CDH12: variants seen among roughly 807,000 people sequenced by gnomAD.
CDH12 encodes cadherin-12.
Under a neutral mutation model 74.1 loss-of-function variants are expected in CDH12, and 41 were observed. The observed-to-expected ratio is 0.55, with a 90% CI of 0.43 to 0.72. CDH12 has a LOEUF of 0.72. CDH12 is among the 30% of genes least tolerant of loss of function. CDH12 has a pLI of 0.00. For missense variants in CDH12, 945 were observed against 977.2 expected (o/e 0.97, Z 0.44); for synonymous variants, 399 against 355.0 (o/e 1.12, Z -1.39).
intron 6 of CDH12, among the ~76,000 whole-genome samples, chr5:21,938,717 AATATACATAT>A (rs2150087739): frequency 9.4e-6 from 1 of 106,676 alleles, no homozygotes; most frequent in East Asian, 2.2e-4. Flanking sequence ...TTATATATAT[AATATACATAT>A]ATATATATAT....
At chr5:22,239,143 T>C (rs1258166092) in intron 3 of CDH12, among the ~76,000 whole-genome samples, 3 of 152,190 alleles carry the variant, frequency 2.0e-5, no homozygotes, top group Non-Finnish European at 4.4e-5. Context: ...GATGACTGCA[T>C]AGTTCTGAAA....
intron 3 of CDH12, among the ~76,000 whole-genome samples, chr5:22,283,660 A>G (rs1737015595): frequency 6.6e-6 from 1 of 152,058 alleles, no homozygotes; most frequent in Non-Finnish European, 1.5e-5. Context: ...AGTTTCAGCT[A>G]GACAGAAGGA....
At chr5:22,561,359 C>T (rs971334371) in intron 1 of CDH12, among the ~76,000 whole-genome samples, 3 of 152,046 alleles carry the variant, frequency 2.0e-5, no homozygotes, top group Admixed American at 2.0e-4. Context: ...ATTTTCCTTC[C>T]ATCAGGTAAG....
intron 2 of CDH12, among the ~76,000 whole-genome samples, chr5:22,416,060 CTTTTTTTTTTTTTTTTTTTTTTT>C (rs58606764): frequency 4.6e-5 from 3 of 65,122 alleles, no homozygotes; most frequent in African/African-American, 6.8e-5. Flanking sequence ...ACTTGTAGGT[CTTTTTTTTTTTTTTTTTTTTTTT>C]TTTTTTTTTG....
chr5:22,187,145 T>G (rs1387550802), intron 4 of CDH12, among the ~76,000 whole-genome samples: 1 of 152,206 alleles, frequency 6.6e-6, no homozygotes, highest in Non-Finnish European at 1.5e-5. Context: ...ATTGCTCTTA[T>G]GCAAACACTC....
chr5:21,953,998 C>T (rs954655349), intron 6 of CDH12, among the ~76,000 whole-genome samples: 2 of 152,006 alleles, frequency 1.3e-5, no homozygotes, highest in African/African-American at 4.8e-5. Flanking sequence ...ATTCTAATAA[C>T]TTTCATTTCC....
rs1253781080 is a variant in CDH12, at chr5:22,573,752, G to A, written c.-522-68388C>T. Among the ~76,000 whole-genome samples, 3 of 152,018 alleles carry A rather than the reference G, an allele frequency of 2.0e-5. No homozygotes were observed. In the South Asian group the frequency reaches 6.2e-4, roughly 31 times the overall value. ...TTTCTTAAGATACTTGGTTAACAAA[G>A]TATTAGATAAGCTTCTTGAATTTGG... On this transcript the variant is annotated intron_variant, in intron 1 of 14. Coordinates refer to ENST00000382254, the MANE Select transcript of CDH12 (RefSeq NM_004061.5).
At chr5:22,473,527 G>T (rs1746051354) in intron 2 of CDH12, among the ~76,000 whole-genome samples, 1 of 151,990 alleles carries the variant, frequency 6.6e-6, no homozygotes, top group Non-Finnish European at 1.5e-5. Context: ...GAAGCATGGG[G>T]ATAAAAACCC....
chr5:22,680,273 A>G (rs1174798921), intron 1 of CDH12, among the ~76,000 whole-genome samples: 1 of 152,108 alleles, frequency 6.6e-6, no homozygotes, highest in Non-Finnish European at 1.5e-5. Context: ...GTCATATTAA[A>G]TATCTCACAG....
intron 3 of CDH12, among the ~76,000 whole-genome samples, chr5:22,355,299 T>A (rs551182127): frequency 6.6e-6 from 1 of 152,148 alleles, no homozygotes; most frequent in African/African-American, 2.4e-5. Flanking sequence ...TAAATCAATG[T>A]GCTCTAGCAA....
intron 5 of CDH12, among the ~76,000 whole-genome samples, chr5:22,014,190 G>A (rs1320327113): frequency 6.6e-6 from 1 of 152,146 alleles, no homozygotes; most frequent in African/African-American, 2.4e-5. Flanking sequence ...TCACGCCACT[G>A]CACTCCATCC....
At chr5:22,107,698 G>A (rs1744559663) in intron 4 of CDH12, among the ~76,000 whole-genome samples, 4 of 152,042 alleles carry the variant, frequency 2.6e-5, no homozygotes, top group African/African-American at 9.6e-5. Flanking sequence ...GAAATAAAAA[G>A]GTAAACAAAG....
At chr5:22,716,212 A>G (rs1391967973) in intron 1 of CDH12, among the ~76,000 whole-genome samples, 1 of 152,134 alleles carries the variant, frequency 6.6e-6, no homozygotes, top group Non-Finnish European at 1.5e-5. Flanking sequence ...CTAGAAGTAA[A>G]CCCAAAATAT....
At chr5:22,076,131 A>G (rs111328565) in intron 5 of CDH12, among the ~76,000 whole-genome samples, 287 of 152,216 alleles carry the variant, frequency 1.9e-3, no homozygotes, top group African/African-American at 6.8e-3. Flanking sequence ...AGTGTTCATT[A>G]TCCATTATCA....
chr5:21,872,993 G>T (rs944531588), intron 6 of CDH12, among the ~76,000 whole-genome samples: 1 of 151,566 alleles, frequency 6.6e-6, no homozygotes, highest in African/African-American at 2.4e-5. Flanking sequence ...ATACATATGT[G>T]TATTATATAT....
At chr5:22,011,081 C>G (rs776424111) in intron 5 of CDH12, among the ~76,000 whole-genome samples, 7 of 152,094 alleles carry the variant, frequency 4.6e-5, no homozygotes, top group Non-Finnish European at 1.0e-4. Flanking sequence ...ACTTCAGTCT[C>G]TTTTCGAGGG....
At chr5:22,614,167 G>A (rs1194555891) in intron 1 of CDH12, among the ~76,000 whole-genome samples, 1 of 152,076 alleles carries the variant, frequency 6.6e-6, no homozygotes, top group Non-Finnish European at 1.5e-5. Context: ...TTATGTATTT[G>A]ACGCACATTT....
intron 4 of CDH12, among the ~76,000 whole-genome samples, chr5:22,126,196 A>G (rs182861045): frequency 6.6e-6 from 1 of 152,274 alleles, no homozygotes; most frequent in East Asian, 1.9e-4. Context: ...GAAGACTCCA[A>G]GTTGCTCCTG....
chr5:22,233,964 A>T (rs182663866), intron 3 of CDH12, among the ~76,000 whole-genome samples: 1 of 152,322 alleles, frequency 6.6e-6, no homozygotes, highest in Non-Finnish European at 1.5e-5. Context: ...TATTATTATG[A>T]TCAATTTGAA....
Sources: allele counts gnomAD v4.1 joint callset (sites outside exome capture counted in the v4.1 genomes callset), GRCh38; gene constraint gnomAD v4.1.1; transcripts MANE v1.5; gene names NCBI Gene and HGNC (gene_info 2026-07-23, HGNC 2026-07-21).